Variants in HMGCLL1 observed in about 807,000 individuals in gnomAD.
The protein encoded by HMGCLL1 is 3-hydroxymethyl-3-methylglutaryl-CoA lyase, cytoplasmic.
Under a neutral mutation model 39.1 loss-of-function variants are expected in HMGCLL1, and 36 were observed. The ratio of observed to expected loss-of-function variants is 0.92; its 90% CI spans 0.71 to 1.22. The LOEUF is 1.22. HMGCLL1 is among the 50% of genes most tolerant of loss of function. The pLI, the probability that HMGCLL1 is intolerant of heterozygous loss-of-function variation, is 0.00. For synonymous variants in HMGCLL1, 149 were observed against 144.0 expected (o/e 1.03, Z -0.25); for missense variants, 451 against 416.5 (o/e 1.08, Z -0.72).
intron 5 of HMGCLL1, among the ~76,000 whole-genome samples, chr6:55,500,503 T>G (rs1178563576): frequency 6.6e-6 from 1 of 151,926 alleles, no homozygotes; most frequent in Non-Finnish European, 1.5e-5. Context: ...GATTCTAAGA[T>G]GTAACCAAAT....
At chr6:55,549,546 AGTTATACCAGCAGCAT>A (rs1770200109) in intron 1 of HMGCLL1, among the ~76,000 whole-genome samples, 1 of 152,052 alleles carries the variant, frequency 6.6e-6, no homozygotes, top group Middle Eastern at 3.4e-3. Flanking sequence ...ATATTAAGCC[AGTTATACCAGCAGCAT>A]GTCCTGATAG....
At chr6:55,552,147 G>C (rs1214970441) in intron 1 of HMGCLL1, among the ~76,000 whole-genome samples, 1 of 151,884 alleles carries the variant, frequency 6.6e-6, no homozygotes, top group Admixed American at 6.6e-5. Context: ...ACACAAAAAA[G>C]ATAAATGATT....
chr6:55,557,990 G>T (rs1286307565), intron 1 of HMGCLL1, among the ~76,000 whole-genome samples: 2 of 152,144 alleles, frequency 1.3e-5, no homozygotes, highest in Non-Finnish European at 2.9e-5. Context: ...GCCTTACTCA[G>T]GTTTGGTTGA....
the HMGCLL1 span, among the ~76,000 whole-genome samples, chr6:55,611,612 A>C: frequency 6.6e-6 from 1 of 152,162 alleles, no homozygotes; most frequent in East Asian, 1.9e-4. Flanking sequence ...AAGCTTATCC[A>C]CCATGATATA....
the HMGCLL1 span, among the ~76,000 whole-genome samples, chr6:55,651,998 T>A: frequency 6.6e-6 from 1 of 152,108 alleles, no homozygotes; most frequent in South Asian, 2.1e-4. Flanking sequence ...GATTCAAGGC[T>A]GTCTCTCCTG....
chr6:55,466,628 T>C (rs1254746099), intron 7 of HMGCLL1, among the ~76,000 whole-genome samples: 1 of 152,008 alleles, frequency 6.6e-6, no homozygotes, highest in Admixed American at 6.6e-5. Flanking sequence ...CCATGTTAAG[T>C]CAATCTTGAG....
At chr6:55,463,267 G>T (rs971788930) in intron 7 of HMGCLL1, among the ~76,000 whole-genome samples, 1 of 151,760 alleles carries the variant, frequency 6.6e-6, no homozygotes, top group African/African-American at 2.4e-5. Context: ...CCTGACCTCA[G>T]GCAAACCGCC....
At chr6:55,491,348 A>C (rs1183322622) in intron 7 of HMGCLL1, among the ~76,000 whole-genome samples, 1 of 152,222 alleles carries the variant, frequency 6.6e-6, no homozygotes, top group African/African-American at 2.4e-5. Context: ...TTAAAGTATA[A>C]TAAAAAAAGA....
chr6:55,483,243 C>T (rs1378351552), intron 7 of HMGCLL1, among the ~76,000 whole-genome samples: 1 of 152,032 alleles, frequency 6.6e-6, no homozygotes, highest in Non-Finnish European at 1.5e-5. Flanking sequence ...ACAAAATACA[C>T]ATAAAAATGA....
At chr6:55,634,245 T>G in the HMGCLL1 span, among the ~76,000 whole-genome samples, 2 of 152,062 alleles carry the variant, frequency 1.3e-5, no homozygotes, top group African/African-American at 2.4e-5. Flanking sequence ...TAGATTTAGG[T>G]CTTTGCTGAA....
At chr6:55,650,096 T>TACAC in the HMGCLL1 span, among the ~76,000 whole-genome samples, 1 of 17,002 alleles carries the variant, frequency 5.9e-5, no homozygotes, top group Non-Finnish European at 1.0e-4. Flanking sequence ...TATACATATA[T>TACAC]ATATATATAT....
intron 3 of HMGCLL1, among the ~76,000 whole-genome samples, chr6:55,516,986 T>C (rs1723826200): frequency 6.6e-6 from 1 of 152,140 alleles, no homozygotes; most frequent in African/African-American, 2.4e-5. Flanking sequence ...ATGAAAATTT[T>C]ATGTCCAAAT....
chr6:55,552,917 G>A (rs1233843658), intron 1 of HMGCLL1, among the ~76,000 whole-genome samples: 2 of 151,844 alleles, frequency 1.3e-5, no homozygotes, highest in Non-Finnish European at 1.5e-5. Flanking sequence ...CAAGGCGGCT[G>A]GATCACCTGA....
chr6:55,449,117 T>C (rs2127387429), intron 7 of HMGCLL1, among the ~76,000 whole-genome samples: 1 of 152,324 alleles, frequency 6.6e-6, no homozygotes, highest in African/African-American at 2.4e-5. Flanking sequence ...ATAAAAACAT[T>C]GTGAAAATTT....
At chr6:55,590,259 A>G in the HMGCLL1 span, among the ~76,000 whole-genome samples, 1 of 151,924 alleles carries the variant, frequency 6.6e-6, no homozygotes, top group Non-Finnish European at 1.5e-5. Flanking sequence ...CACATCTACA[A>G]CTATCTGATC....
chr6:55,563,580 C>A (rs893832228), intron 1 of HMGCLL1, among the ~76,000 whole-genome samples: 3 of 152,112 alleles, frequency 2.0e-5, no homozygotes, highest in African/African-American at 7.2e-5. Flanking sequence ...GTGTTCCCAG[C>A]ATTCACTTTC....
At chr6:55,654,560 C>T in the HMGCLL1 span, among the ~76,000 whole-genome samples, 1 of 151,814 alleles carries the variant, frequency 6.6e-6, no homozygotes, top group African/African-American at 2.4e-5. Flanking sequence ...AAAGTTCTGC[C>T]ATCTCCTAGG....
chr6:55,668,543 G>A, the HMGCLL1 span, among the ~76,000 whole-genome samples: 1 of 151,832 alleles, frequency 6.6e-6, no homozygotes, highest in Non-Finnish European at 1.5e-5. Flanking sequence ...ACTGGACTAT[G>A]AGGAGTCTGA....
intron 8 of HMGCLL1, among the ~76,000 whole-genome samples, chr6:55,438,565 G>C (rs1763463336): frequency 6.6e-6 from 1 of 152,018 alleles, no homozygotes; most frequent in African/African-American, 2.4e-5. Context: ...AGGCCAAATG[G>C]AATACGAGGC....
Sources: allele counts gnomAD v4.1 joint callset (sites outside exome capture counted in the v4.1 genomes callset), GRCh38; gene constraint gnomAD v4.1.1; transcripts MANE v1.5; gene names NCBI Gene and HGNC (gene_info 2026-07-23, HGNC 2026-07-21).